Variants in SFMBT1 observed in about 807,000 individuals in gnomAD.
The protein encoded by SFMBT1 is scm-like with four MBT domains protein 1.
A neutral mutation model predicts 108.7 loss-of-function variants in SFMBT1; 32 were observed. The observed-to-expected ratio is 0.29, with a 90% CI of 0.22 to 0.40. The LOEUF (loss-of-function observed/expected upper bound fraction) is 0.40. Ranked by LOEUF, SFMBT1 falls within the 10% of genes least tolerant of loss-of-function variation. The pLI is 1.00. For synonymous variants in SFMBT1, 348 were observed against 369.5 expected (o/e 0.94, Z 0.67); for missense variants, 816 against 1,059.6 (o/e 0.77, Z 3.19).
chr3:52,941,244 C>T (rs1007402837), intron 4 of SFMBT1, among the ~76,000 whole-genome samples: 45 of 152,268 alleles, frequency 3.0e-4, no homozygotes, highest in African/African-American at 9.4e-4. Context: ...TTATAGGAAA[C>T]TTATGAGACA....
intron 1 of SFMBT1, among the ~76,000 whole-genome samples, chr3:53,008,745 C>T (rs1698836921): frequency 6.6e-6 from 1 of 151,892 alleles, no homozygotes. Context: ...CACCATTCTC[C>T]TGCCTCAGCC....
Position 52,918,672 on chromosome 3 carries a change from T to TAC in SFMBT1, c.1373-148_1373-147dup, listed in dbSNP as rs752868785. 50 of 387,492 alleles carry TAC rather than the reference T, an allele frequency of 1.3e-4. 1 individual carries two copies. The highest frequency in any genetic ancestry group is 3.7e-4 in the East Asian group (9 of 24,578). 24.0% of individuals were successfully genotyped at this position (387,492 alleles called of 1,614,324 possible). Reference sequence around the variant, plus strand: ...ATATGTGTGTGTGTATATATATATATACACATATATATAGTACTATAAATT... The same window carrying TAC: ...ATATGTGTGTGTGTATATATATATATACACACATATATATAGTACTATAAATT... On this transcript the variant is annotated intron_variant, in intron 12 of 20. Coordinates refer to ENST00000394752, the MANE Select transcript of SFMBT1 (RefSeq NM_016329.4).
chr3:52,971,804 G>A (rs558284694), intron 1 of SFMBT1, among the ~76,000 whole-genome samples: 1 of 152,258 alleles, frequency 6.6e-6, no homozygotes, highest in East Asian at 1.9e-4. Flanking sequence ...GCAAAAGGGG[G>A]AGAAAAGGAG....
intron 1 of SFMBT1, among the ~76,000 whole-genome samples, chr3:53,028,804 T>C (rs1322105644): frequency 3.9e-5 from 6 of 152,126 alleles, no homozygotes; most frequent in South Asian, 2.1e-4. Context: ...TGCAGGGAAG[T>C]GCACAAGTAC....
chr3:52,920,745 C>A, intron 11 of SFMBT1, 95 bp from the exon 12 acceptor site: 1 of 705,126 alleles, frequency 1.4e-6, no homozygotes, highest in South Asian at 1.9e-5. Context: ...AGATAATGTT[C>A]TACTCTTATA....
At chr3:52,966,321 T>G (rs1338507756) in intron 2 of SFMBT1, among the ~76,000 whole-genome samples, 1 of 68,312 alleles carries the variant, frequency 1.5e-5, no homozygotes, top group Admixed American at 1.7e-4. Flanking sequence ...GACTCCCGTC[T>G]CAAAAGAAAA....
chr3:52,932,278 T>C lies in SFMBT1; in HGVS notation c.484A>G (p.Ile162Val). ...LRNGRNPLDL[I>V]APGSRLECQA... ...CATTCTAGTCTGGATCCTGGAGCAA[T>C]GAGATCTAAAGGATTCCTCCCATTA... The change falls in exon 6 of 21, where the codon ATT (isoleucine) becomes GTT (valine). Residue 162 changes from isoleucine (I) to valine (V), a missense_variant. Ile to Val is a conservative substitution (Grantham distance 29). Transcript: ENST00000394752. 6.2e-7 allele frequency: 1 copy of C among 1,613,982 alleles called. No homozygotes were observed. The highest frequency in any genetic ancestry group is 8.5e-7 in the Non-Finnish European group (1 of 1,179,866).
chr3:52,935,721 A>G (rs906343614), intron 4 of SFMBT1, among the ~76,000 whole-genome samples: 1 of 152,296 alleles, frequency 6.6e-6, no homozygotes, highest in African/African-American at 2.4e-5. Flanking sequence ...AACTTCCCCA[A>G]TTGTCTCATA....
chr3:52,948,501 C>T lies in SFMBT1; in HGVS notation c.124-4908G>A, dbSNP rs1030658716. Among the ~76,000 whole-genome samples the T allele has an allele frequency of 2.8e-4, 42 of 151,990 alleles. 1 individual carries two copies. Among genetic ancestry groups the T allele is most frequent in the African/African-American group, 9.7e-4 (40 of 41,370 alleles). On this transcript the variant is annotated intron_variant, in intron 3 of 20. Transcript: ENST00000394752. The stretch of plus-strand genomic sequence containing the variant: ...GAAATTTAATTTGTTTGCAGTAAAT[C>T]TACAGACCTAGTTAGGGAAAACTGG...
At chr3:52,988,490 C>T (rs936264519) in intron 1 of SFMBT1, among the ~76,000 whole-genome samples, 3 of 152,114 alleles carry the variant, frequency 2.0e-5, no homozygotes, top group African/African-American at 7.2e-5. Context: ...AGGGTATCCT[C>T]GGGGAAACAC....
chr3:53,017,651 T>C (rs369571128), intron 1 of SFMBT1, among the ~76,000 whole-genome samples: 2 of 152,230 alleles, frequency 1.3e-5, no homozygotes, highest in East Asian at 3.9e-4. Flanking sequence ...CTTGGAGAAA[T>C]ACCAGTACTC....
intron 2 of SFMBT1, among the ~76,000 whole-genome samples, 155 bp from the exon 3 acceptor site, chr3:52,954,566 G>C (rs558654088): frequency 6.6e-6 from 1 of 152,230 alleles, no homozygotes; most frequent in South Asian, 2.1e-4. Flanking sequence ...TTTTGTTTTT[G>C]TTTTTTAAAT....
intron 3 of SFMBT1, among the ~76,000 whole-genome samples, chr3:52,944,654 G>C (rs1326417436): frequency 6.6e-6 from 1 of 151,900 alleles, no homozygotes; most frequent in Non-Finnish European, 1.5e-5. Context: ...TGAGTAGTTG[G>C]GGTTACAGGC....
intron 1 of SFMBT1, among the ~76,000 whole-genome samples, chr3:52,985,512 C>T (rs1051240426): frequency 2.0e-5 from 3 of 152,136 alleles, no homozygotes; most frequent in African/African-American, 7.2e-5. Flanking sequence ...TTTTAATAAT[C>T]TTTTATTTAA....
In SFMBT1 at chr3:52,932,216, A is replaced by G. The variant is rs1201311897; in HGVS notation, c.546T>C (p.Val182=). The change falls in exon 6 of 21, where the codon GTT becomes GTC. Residue 182 remains valine, a synonymous_variant. Transcript: ENST00000394752. ...AFQDSLSTWI[V]TVVENIGGRL... The stretch of plus-strand genomic sequence containing the variant: ...TTCCTCCAATGTTTTCTACTACAGT[A>G]ACAATCCAAGTGCTTAAAGAGTCCT... 4.3e-6 allele frequency: 7 copies of G among 1,614,226 alleles called. No individual in the cohort carries two copies. Among genetic ancestry groups the G allele is most frequent in the Non-Finnish European group, 5.1e-6 (6 of 1,180,038 alleles).
At chr3:52,963,711 C>T (rs954326080) in intron 2 of SFMBT1, among the ~76,000 whole-genome samples, 4 of 152,114 alleles carry the variant, frequency 2.6e-5, no homozygotes, top group Non-Finnish European at 4.4e-5. Flanking sequence ...CCTTTGCCTC[C>T]CAAAGTGCTG....
chr3:52,962,363 A>C (rs1481279636), intron 2 of SFMBT1, among the ~76,000 whole-genome samples: 2 of 152,264 alleles, frequency 1.3e-5, no homozygotes, highest in Non-Finnish European at 2.9e-5. Flanking sequence ...AAATGGTTGA[A>C]TAAATATGGT....
chr3:52,941,237 T>C (rs1271767009), intron 4 of SFMBT1, among the ~76,000 whole-genome samples: 5 of 152,148 alleles, frequency 3.3e-5, no homozygotes, highest in Non-Finnish European at 5.9e-5. Flanking sequence ...TTCCAGATTA[T>C]AGGAAACTTA....
chr3:53,030,966 T>TC (rs1483054692), intron 1 of SFMBT1, among the ~76,000 whole-genome samples: 1 of 152,160 alleles, frequency 6.6e-6, no homozygotes, highest in African/African-American at 2.4e-5. Context: ...TAAAGGGTTT[T>TC]CCCCCATAGC....
Sources: allele counts gnomAD v4.1 joint callset (sites outside exome capture counted in the v4.1 genomes callset), GRCh38; gene constraint gnomAD v4.1.1; transcripts MANE v1.5; gene names NCBI Gene and HGNC (gene_info 2026-07-23, HGNC 2026-07-21).